The following UBR2 variants were observed in gnomAD, a reference collection of about 807,000 sequenced individuals.
UBR2 encodes the protein ubiquitin protein ligase E3 component n-recognin 2.
A neutral mutation model predicts 247.9 loss-of-function variants in UBR2; 92 were observed. That is an observed-to-expected ratio of 0.37 (90% CI 0.31 to 0.44). The LOEUF is 0.44. UBR2 is among the 20% of genes least tolerant of loss of function. The probability of loss-of-function intolerance (pLI) is 1.00; values close to 1 mark genes in which losing one functional copy is unlikely to be tolerated. For missense variants in UBR2, 1,613 were observed against 2,112.6 expected (o/e 0.76, Z 4.64); for synonymous variants, 672 against 693.5 (o/e 0.97, Z 0.49).
chr6:42,582,764 C>G (rs753099052), intron 2 of UBR2, among the ~76,000 whole-genome samples: 9 of 152,046 alleles, frequency 5.9e-5, no homozygotes, highest in Non-Finnish European at 1.0e-4. Context: ...TTTAATGCAT[C>G]ATACTATTTA....
chr6:42,564,911 C>G (rs1480055286), intron 1 of UBR2, among the ~76,000 whole-genome samples: 3 of 152,118 alleles, frequency 2.0e-5, no homozygotes, highest in Non-Finnish European at 2.9e-5. Flanking sequence ...CACTACCCTT[C>G]GTTATCCGTT....
chr6:42,646,814 TATATATAGAGAG>T (rs988426344), intron 21 of UBR2, among the ~76,000 whole-genome samples: 2 of 146,854 alleles, frequency 1.4e-5, no homozygotes, highest in African/African-American at 5.1e-5. Context: ...TGTTTATATA[TATATATAGAGAG>T]AGAGAGAGAG....
intron 41 of UBR2, 33 bp downstream of exon 41, chr6:42,678,702 A>G: frequency 6.3e-7 from 1 of 1,595,016 alleles, no homozygotes; most frequent in Non-Finnish European, 8.5e-7. Context: ...ACGTAGGGAG[A>G]GTTAGTAATC....
chr6:42,604,916 A>C (rs1793605507), intron 5 of UBR2, among the ~76,000 whole-genome samples: 1 of 152,018 alleles, frequency 6.6e-6, no homozygotes. Context: ...AGTCCTAGCT[A>C]TTCATGAGGC....
intron 4 of UBR2, among the ~76,000 whole-genome samples, chr6:42,596,506 C>T (rs114031540): frequency 0.021 from 3,121 of 152,090 alleles, 108 homozygotes; most frequent in African/African-American, 0.071. Context: ...AACTGAAAAC[C>T]GAAGTTGAGC....
At chr6:42,638,706 G>A (rs1796256202) in intron 15 of UBR2, among the ~76,000 whole-genome samples, 1 of 152,052 alleles carries the variant, frequency 6.6e-6, no homozygotes, top group African/African-American at 2.4e-5. Flanking sequence ...GCATGCGTGT[G>A]GAAGTAGCAC....
intron 2 of UBR2, among the ~76,000 whole-genome samples, chr6:42,588,727 C>T (rs1792457132): frequency 6.6e-6 from 1 of 152,106 alleles, no homozygotes; most frequent in Non-Finnish European, 1.5e-5. Context: ...CAACCCCACC[C>T]CTCCCCTCTT....
rs765190593 is a variant in UBR2 at position 42,683,065 on chromosome 6, A to G, written c.4729A>G (p.Asn1577Asp). 3 of 1,612,858 alleles carry G rather than the reference A, an allele frequency of 1.9e-6. No homozygotes were observed. Among genetic ancestry groups the G allele is most frequent in the Non-Finnish European group, 2.5e-6 (3 of 1,179,552 alleles). Residue 1577 changes from asparagine to aspartate, a missense_variant, in exon 43 of 47, where the codon AAC becomes GAC. This residue lies in a region of UBR2 where 1,524 missense variants were observed against 1,967.3 expected (regional missense o/e 0.77). Transcript: ENST00000372901. ...MNSLIESWCR[N>D]SEVKRYLEGE... is the part of the protein sequence containing the mutation. Reference sequence around the variant, plus strand: ...CTGTTTACATTAAAGTTGGTGCCGTAACAGTGAAGTTAAAAGATATCTAGA... The same window carrying G: ...CTGTTTACATTAAAGTTGGTGCCGTGACAGTGAAGTTAAAAGATATCTAGA...
rs1427643669 is a variant in UBR2 at position 42,673,289 on chromosome 6, T to C, written c.4087-502T>C. ...TGTGTTTTAGGGTATCTGTTTAGGA[T>C]AAACATAGAGAAATACTGCATCCGC... On this transcript the variant is annotated intron_variant, in intron 36 of 46. Transcript: ENST00000372901. 1.3e-5 allele frequency among the ~76,000 whole-genome samples: 2 copies of C among 152,232 alleles called. 1 individual carries two copies. Among genetic ancestry groups the C allele is most frequent in the South Asian group, 4.1e-4 (2 of 4,832 alleles).
At position 42,578,460 on chromosome 6, in the gene UBR2, C is replaced by A. The variant is rs144090015; in HGVS notation, c.338+4467C>A. Among the ~76,000 whole-genome samples, 11 of 152,150 alleles carry A rather than the reference C, an allele frequency of 7.2e-5. No individual in the cohort carries two copies. The East Asian group carries it at 1.9e-3, about 27-fold the overall frequency. ...TCCTAAGTCTCAGGGATAGATGAAA[C>A]TAGGATGTGGATGAGCATTGGAAGT... On this transcript the variant is annotated intron_variant, in intron 2 of 46. Coordinates refer to ENST00000372901, the MANE Select transcript of UBR2 (RefSeq NM_001363705.2).
intron 1 of UBR2, among the ~76,000 whole-genome samples, chr6:42,566,737 C>CT (rs1790803079): frequency 4.6e-5 from 6 of 129,256 alleles, no homozygotes; most frequent in African/African-American, 1.8e-4. Context: ...TTTTTTTTTT[C>CT]TTTTTTTGGT....
chr6:42,614,440 G>GTACA (rs1160238094), intron 8 of UBR2, among the ~76,000 whole-genome samples: 1 of 149,674 alleles, frequency 6.7e-6, no homozygotes, highest in Non-Finnish European at 1.5e-5. Flanking sequence ...ATGTATGTAC[G>GTACA]TACATATATA....
intron 13 of UBR2, among the ~76,000 whole-genome samples, 192 bp downstream of exon 13, chr6:42,633,096 T>C (rs914894290): frequency 2.6e-5 from 4 of 151,858 alleles, no homozygotes; most frequent in African/African-American, 7.3e-5. Flanking sequence ...TCTCTGGCAG[T>C]TCTCCTGCCT....
Position 42,644,211 on chromosome 6 carries a change from AAGAC to A in UBR2, c.2098_2101del (p.Thr700ValfsTer4). 1.3e-6 allele frequency: 2 copies of A among 1,579,840 alleles called. No homozygotes were observed. The highest frequency in any genetic ancestry group is 1.7e-6 in the Non-Finnish European group (2 of 1,171,676). On this transcript the variant is annotated splice_acceptor_variant and coding_sequence_variant, in exon 19 of 47. Coordinates refer to ENST00000372901, the MANE Select transcript of UBR2 (RefSeq NM_001363705.2). LOFTEE classifies it high-confidence loss of function. Reference sequence around the variant, plus strand: ...TATCTCAAACATTAAAAAAAAAAAAAAGACAGGTGTCTCCATGATGGATCCAAAT... The same window carrying A: ...TATCTCAAACATTAAAAAAAAAAAAAAGGTGTCTCCATGATGGATCCAAAT...
chr6:42,617,653 A>G (rs1794646227), intron 11 of UBR2, 146 bp downstream of exon 11: 3 of 736,190 alleles, frequency 4.1e-6, no homozygotes, highest in Non-Finnish European at 6.5e-6. Flanking sequence ...CTATTCTTTT[A>G]CTAGAATATA....
At position 42,646,805 on chromosome 6, in the gene UBR2, G is replaced by GTT. The variant is rs1189323997; in HGVS notation, c.2409+1217_2409+1218dup. On this transcript the variant is annotated intron_variant, in intron 21 of 46. Transcript: ENST00000372901. ...TAAAAACAATAATTTATATATATAT[G>GTT]TTTATATATATATATAGAGAGAGAG... Among the ~76,000 whole-genome samples the GTT allele has an allele frequency of 7.0e-4, 102 of 144,830 alleles. 1 individual carries two copies. Among genetic ancestry groups the GTT allele is most frequent in the East Asian group, 4.6e-3 (23 of 5,022 alleles).
At chr6:42,576,267 G>A (rs1791499258) in intron 2 of UBR2, among the ~76,000 whole-genome samples, 2 of 152,094 alleles carry the variant, frequency 1.3e-5, no homozygotes, top group Admixed American at 1.3e-4. Context: ...AATAGATATT[G>A]GAAACCATGC....
At position 42,693,418 on chromosome 6, in the gene UBR2, A is replaced by G. The variant is rs1206951727; in HGVS notation, c.*2245A>G. Reference sequence around the variant, plus strand: ...GTTTAATAAATTGGCTATAACTTTAATATCTGTGGACAACTTGTAAAATTT... The same window carrying G: ...GTTTAATAAATTGGCTATAACTTTAGTATCTGTGGACAACTTGTAAAATTT... On this transcript the variant is annotated 3_prime_UTR_variant, in exon 47 of 47. Coordinates refer to ENST00000372901, the MANE Select transcript of UBR2 (RefSeq NM_001363705.2). 6.6e-6 allele frequency: 1 copy of G among 152,232 alleles called. No homozygotes were observed. The highest frequency in any genetic ancestry group is 1.5e-5 in the Non-Finnish European group (1 of 68,028). The allele number at this position is 152,232 out of a possible 1,614,324, so 9.4% of individuals were successfully genotyped here.
intron 46 of UBR2, among the ~76,000 whole-genome samples, chr6:42,690,663 C>T (rs1799705144): frequency 6.6e-6 from 1 of 152,088 alleles, no homozygotes; most frequent in Admixed American, 6.6e-5. Flanking sequence ...TATAATTCTT[C>T]TTTTGTGTTC....
Sources: gnomAD v4.1 joint callset for allele counts (sites outside exome capture counted in the v4.1 genomes callset) on GRCh38, gnomAD v4.1.1 for gene constraint, gnomAD v4.1.1 regional missense constraint, MANE v1.5 for transcripts, NCBI Gene and HGNC (gene_info 2026-07-23, HGNC 2026-07-21) for gene names.